TFCP2L1: variants seen among roughly 807,000 people sequenced by gnomAD.
The protein encoded by TFCP2L1 is transcription factor CP2 like 1, also known as transcription factor CP2-like protein 1.
A neutral mutation model predicts 72.2 loss-of-function variants in TFCP2L1; 12 were observed. The observed-to-expected ratio is 0.17, with a 90% CI of 0.11 to 0.27. The LOEUF (loss-of-function observed/expected upper bound fraction) is 0.27. TFCP2L1 is among the 10% of genes least tolerant of loss of function. The probability of loss-of-function intolerance (pLI) is 1.00; values close to 1 mark genes in which losing one functional copy is unlikely to be tolerated. For synonymous variants in TFCP2L1, 260 were observed against 251.0 expected (o/e 1.04, Z -0.34); for missense variants, 488 against 624.6 (o/e 0.78, Z 2.33).
chr2:121,235,355 A>G, intron 10 of TFCP2L1, 44 bp from the exon 11 acceptor site: 1 of 1,603,452 alleles, frequency 6.2e-7, no homozygotes, highest in Non-Finnish European at 8.5e-7. Flanking sequence ...TGGAACCCAG[A>G]GAAAGGGCTC....
Position 121,221,429 on chromosome 2 carries a change from C to G in TFCP2L1, c.*2912G>C, listed in dbSNP as rs943726149. 1 of 151,388 alleles carries G rather than the reference C, an allele frequency of 6.6e-6. No homozygotes were observed. Among genetic ancestry groups the G allele is most frequent in the African/African-American group, 2.4e-5 (1 of 41,184 alleles). The allele number at this position is 151,388 out of a possible 1,614,324, so 9.4% of individuals were successfully genotyped here. A position where few individuals can be genotyped will look rare whatever the true frequency, so the allele number is the denominator to read the frequency against. On this transcript the variant is annotated 3_prime_UTR_variant, in exon 15 of 15. Transcript: ENST00000263707. ...AAAAAAAAAAAGGTAAGCTTCCCAACGACACCATGTCCCAGGAAAGAAGAT... is the reference window on the plus strand; with the variant it reads ...AAAAAAAAAAAGGTAAGCTTCCCAAGGACACCATGTCCCAGGAAAGAAGAT...
At chr2:121,257,487 C>T (rs954608927) in intron 2 of TFCP2L1, among the ~76,000 whole-genome samples, 1 of 152,200 alleles carries the variant, frequency 6.6e-6, no homozygotes, top group Admixed American at 6.5e-5. Context: ...CCCCCTTGCC[C>T]CTCCTGCCCT....
At chr2:121,276,676 T>C (rs911548572) in intron 2 of TFCP2L1, among the ~76,000 whole-genome samples, 1 of 150,748 alleles carries the variant, frequency 6.6e-6, no homozygotes, top group Admixed American at 6.6e-5. Flanking sequence ...AGTTTCAGAA[T>C]TGACTTTCTA....
intron 2 of TFCP2L1, among the ~76,000 whole-genome samples, chr2:121,266,902 T>TTTAG (rs1412723509): frequency 6.6e-6 from 1 of 150,520 alleles, no homozygotes; most frequent in Non-Finnish European, 1.5e-5. Context: ...TATTTATTTA[T>TTTAG]TTATTTATTT....
In TFCP2L1 at chr2:121,239,204, A is replaced by G. The variant is rs1343336656; in HGVS notation, c.860+354T>C. ...CCCACACTCAGTGACCATGCTGGAC[A>G]AAGAACCAGGAAAGGCCCCCCAGAC... On this transcript the variant is annotated intron_variant, in intron 8 of 14. Transcript: ENST00000263707. Among the ~76,000 whole-genome samples, 3 of 152,182 alleles carry G rather than the reference A, an allele frequency of 2.0e-5. No individual in the cohort carries two copies. The East Asian group carries it at 5.8e-4, about 29-fold the overall frequency.
rs138186439 is a variant in TFCP2L1, at chr2:121,222,004, T to C, written c.*2337A>G. 1.1e-4 allele frequency: 17 copies of C among 152,004 alleles called. No homozygotes were observed. The East Asian group carries it at 2.5e-3, about 22-fold the overall frequency. 9.4% of individuals were successfully genotyped at this position (152,004 alleles called of 1,614,324 possible). A position where few individuals can be genotyped will look rare whatever the true frequency, so the allele number is the denominator to read the frequency against. On this transcript the variant is annotated 3_prime_UTR_variant, in exon 15 of 15. Coordinates refer to ENST00000263707, the MANE Select transcript of TFCP2L1 (RefSeq NM_014553.3). ...ATTAAAAATAGGCAAAGGACCTGGA[T>C]AGACCTTTCTCCAAAGAAATACGCA...
intron 5 of TFCP2L1, among the ~76,000 whole-genome samples, chr2:121,247,892 T>G (rs560830060): frequency 4.8e-4 from 73 of 152,358 alleles, no homozygotes; most frequent in African/African-American, 1.7e-3. Flanking sequence ...ATGATTTCTG[T>G]TGGGAAATAC....
intron 13 of TFCP2L1, among the ~76,000 whole-genome samples, chr2:121,226,114 C>T (rs547154232): frequency 9.5e-5 from 14 of 146,862 alleles, no homozygotes; most frequent in African/African-American, 2.7e-4. Flanking sequence ...TCTACACACA[C>T]GGGAACACGG....
chr2:121,263,469 C>CAAAA (rs10603088), intron 2 of TFCP2L1, among the ~76,000 whole-genome samples: 1 of 67,506 alleles, frequency 1.5e-5, no homozygotes, highest in Non-Finnish European at 2.9e-5. Context: ...CTGTTTTTGG[C>CAAAA]AAAAAAAAAA....
intron 3 of TFCP2L1, among the ~76,000 whole-genome samples, 161 bp downstream of exon 3, chr2:121,249,410 G>A (rs142917613): frequency 6.6e-6 from 1 of 152,188 alleles, no homozygotes; most frequent in Non-Finnish European, 1.5e-5. Context: ...ACAGGCTCCA[G>A]AGAAGCCAAA....
chr2:121,240,039 G>A (rs866864170), intron 7 of TFCP2L1: 1 of 985,068 alleles, frequency 1.0e-6, no homozygotes, highest in African/African-American at 1.7e-5. Flanking sequence ...CTGTTATAGG[G>A]AGTACTGGAC....
chr2:121,246,935 C>T lies in TFCP2L1; in HGVS notation c.540G>A (p.Lys180=), dbSNP rs1229002330. The change falls in exon 6 of 15, where the codon AAG becomes AAA. Residue 180 remains lysine (K), a synonymous_variant. Transcript: ENST00000263707. ...HCISTEFTPR[K]HGGEKGVPFR... ...AGGGCACTCCCTTCTCGCCCCCGTG[C>T]TTCCTGGGGGTGAATTCTGTGCTGA... The T allele has an allele frequency of 1.2e-6, 2 of 1,614,044 alleles. No individual in the cohort carries two copies. The highest frequency in any genetic ancestry group is 1.7e-6 in the Non-Finnish European group (2 of 1,180,020).
intron 2 of TFCP2L1, among the ~76,000 whole-genome samples, chr2:121,280,417 G>A (rs747020210): frequency 1.4e-4 from 22 of 152,188 alleles, no homozygotes; most frequent in South Asian, 8.3e-4. Context: ...GGATGCTGAC[G>A]GTACTCAGTG....
chr2:121,271,680 G>A (rs1179948078), intron 2 of TFCP2L1, among the ~76,000 whole-genome samples: 1 of 152,174 alleles, frequency 6.6e-6, no homozygotes, highest in Non-Finnish European at 1.5e-5. Context: ...TGTTTGCCAG[G>A]TATTTGTTGT....
At chr2:121,252,654 C>G (rs899772926) in intron 2 of TFCP2L1, among the ~76,000 whole-genome samples, 1 of 152,130 alleles carries the variant, frequency 6.6e-6, no homozygotes, top group Admixed American at 6.5e-5. Flanking sequence ...GTCAAGGAAG[C>G]CTGGGGCCAC....
At chr2:121,273,371 AGATAT>A (rs963380845) in intron 2 of TFCP2L1, among the ~76,000 whole-genome samples, 10 of 152,188 alleles carry the variant, frequency 6.6e-5, no homozygotes, top group Non-Finnish European at 1.3e-4. Flanking sequence ...GCCTTCGGGA[AGATAT>A]GTCTACAATG....
At chr2:121,252,464 G>A (rs1686631405) in intron 2 of TFCP2L1, among the ~76,000 whole-genome samples, 1 of 152,198 alleles carries the variant, frequency 6.6e-6, no homozygotes, top group Admixed American at 6.5e-5. Flanking sequence ...CTGGAAATGT[G>A]ACCTTATATT....
Position 121,237,710 on chromosome 2 carries a change from G to A in TFCP2L1, c.916C>T (p.Leu306Phe). 6.2e-7 allele frequency: 1 copy of A among 1,614,234 alleles called. No individual in the cohort carries two copies. Among genetic ancestry groups the A allele is most frequent in the South Asian group, 1.1e-5 (1 of 91,088 alleles). The stretch of plus-strand genomic sequence containing the variant: ...GCATCCTGGATCGAAGCTGATGGGA[G>A]CAGGTGCTGTGAGCAGAGGGGAGAG... ...EALPVGSDHL[L>F]PSASIQDAQQ... The change falls in exon 10 of 15, where the codon CTC becomes TTC. Residue 306 changes from leucine (L) to phenylalanine (F), a missense_variant. Around this residue, in one of 3 missense-constraint regions of TFCP2L1, gnomAD observed 286 missense variants for 329.0 expected, o/e 0.87. Coordinates refer to ENST00000263707, the MANE Select transcript of TFCP2L1 (RefSeq NM_014553.3).
At chr2:121,239,948 G>A (rs1250339928) in intron 7 of TFCP2L1, 1 of 718,346 alleles carries the variant, frequency 1.4e-6, no homozygotes, top group African/African-American at 1.9e-5. Flanking sequence ...TGTGATTCTT[G>A]GGTCCACGAG....
Sources: gnomAD v4.1 joint callset for allele counts (sites outside exome capture counted in the v4.1 genomes callset) on GRCh38, gnomAD v4.1.1 for gene constraint, gnomAD v4.1.1 regional missense constraint, MANE v1.5 for transcripts, NCBI Gene and HGNC (gene_info 2026-07-23, HGNC 2026-07-21) for gene names.